Variants in GLI3 observed in about 807,000 individuals in gnomAD.
GLI3 encodes transcription activator GLI3.
Under a neutral mutation model 100.8 loss-of-function variants are expected in GLI3, and 20 were observed. The ratio of observed to expected loss-of-function variants is 0.20; its 90% confidence interval spans 0.14 to 0.29. The LOEUF (loss-of-function observed/expected upper bound fraction) is 0.29, where lower values mean the gene tolerates loss of function less well. GLI3 is among the 10% of genes least tolerant of loss of function. The pLI, the probability that GLI3 is intolerant of heterozygous loss-of-function variation, is 1.00. For synonymous variants in GLI3, 938 were observed against 860.5 expected, an observed-to-expected ratio of 1.09 and a Z score of -1.58; for missense variants, 2,040 against 2,128.5, an observed-to-expected ratio of 0.96 and a Z score of 0.82.
chr7:42,124,476 T>C (rs57699297), intron 3 of GLI3, among the ~76,000 whole-genome samples: 4,746 of 152,210 alleles, frequency 0.031, 257 homozygotes, highest in African/African-American at 0.11. Flanking sequence ...ATGCAGTCAG[T>C]TGGATGTGAA....
intron 1 of GLI3, among the ~76,000 whole-genome samples, chr7:42,235,578 C>G (rs561677821): frequency 6.6e-6 from 1 of 152,312 alleles, no homozygotes; most frequent in African/African-American, 2.4e-5. Flanking sequence ...AGGGAAAGGC[C>G]TAATTACTCG....
intron 1 of GLI3, among the ~76,000 whole-genome samples, chr7:42,255,355 T>C (rs1789075068): frequency 6.6e-6 from 1 of 152,228 alleles, no homozygotes; most frequent in South Asian, 2.1e-4. Flanking sequence ...ATGAAATTTA[T>C]CCATTGTAGG....
chr7:42,047,417 T>C (rs956209618), intron 5 of GLI3, among the ~76,000 whole-genome samples: 4 of 152,212 alleles, frequency 2.6e-5, no homozygotes, highest in African/African-American at 9.6e-5. Flanking sequence ...CATCAAGCAC[T>C]GCTCAGTGAA....
intron 2 of GLI3, among the ~76,000 whole-genome samples, chr7:42,195,018 C>T (rs1361020888): frequency 1.3e-5 from 2 of 152,080 alleles, no homozygotes; most frequent in African/African-American, 4.8e-5. Flanking sequence ...CTGCCCACCT[C>T]GGCCTCCCAA....
At chr7:42,259,374 T>C (rs1337745379) in intron 1 of GLI3, among the ~76,000 whole-genome samples, 2 of 152,210 alleles carry the variant, frequency 1.3e-5, no homozygotes, top group Middle Eastern at 6.3e-3. Flanking sequence ...AGAACTCTGT[T>C]TTAAGTGGCA....
At chr7:42,063,032 A>G (rs1436253621) in intron 4 of GLI3, among the ~76,000 whole-genome samples, 3 of 152,172 alleles carry the variant, frequency 2.0e-5, no homozygotes, top group African/African-American at 7.2e-5. Flanking sequence ...AGCCTGTGCT[A>G]TGCATCTGCA....
At chr7:42,199,953 G>A (rs1418562239) in intron 2 of GLI3, among the ~76,000 whole-genome samples, 1 of 152,188 alleles carries the variant, frequency 6.6e-6, no homozygotes, top group Non-Finnish European at 1.5e-5. Flanking sequence ...CTACTAGGGA[G>A]GCTGAGGCAG....
intron 2 of GLI3, among the ~76,000 whole-genome samples, chr7:42,167,079 G>T (rs1382619396): frequency 6.6e-6 from 1 of 151,996 alleles, no homozygotes; most frequent in Non-Finnish European, 1.5e-5. Flanking sequence ...CGCCCACTTC[G>T]GCCTCCTAAA....
chr7:42,051,823 C>T (rs1784359125), intron 4 of GLI3, among the ~76,000 whole-genome samples: 1 of 152,012 alleles, frequency 6.6e-6, no homozygotes, highest in Non-Finnish European at 1.5e-5. Context: ...GCATTTGTTA[C>T]GAGTGATGAG....
intron 3 of GLI3, among the ~76,000 whole-genome samples, chr7:42,144,176 G>C (rs1026556839): frequency 2.6e-5 from 4 of 152,230 alleles, no homozygotes; most frequent in Admixed American, 2.0e-4. Context: ...AATGAAAGCA[G>C]GGAGAGATGG....
chr7:41,996,652 A>G (rs1788133317), intron 10 of GLI3, among the ~76,000 whole-genome samples: 1 of 152,190 alleles, frequency 6.6e-6, no homozygotes, highest in African/African-American at 2.4e-5. Flanking sequence ...CTAAACGTAA[A>G]AACAGTTCAT....
intron 10 of GLI3, among the ~76,000 whole-genome samples, chr7:42,022,662 C>G (rs1395340330): frequency 6.6e-6 from 1 of 152,200 alleles, no homozygotes; most frequent in Non-Finnish European, 1.5e-5. Context: ...TCTAAATGCC[C>G]TCCACGTCAG....
At chr7:42,238,463 G>T (rs370379863), upstream of GLI3, among the ~76,000 whole-genome samples, 2 of 152,102 alleles carry the variant, frequency 1.3e-5, no homozygotes, top group African/African-American at 2.4e-5. Flanking sequence ...TCTCTCCACC[G>T]GACTCGTCTG....
At chr7:42,125,338 A>G (rs1318606494) in intron 3 of GLI3, among the ~76,000 whole-genome samples, 1 of 152,162 alleles carries the variant, frequency 6.6e-6, no homozygotes, top group Admixed American at 6.5e-5. Context: ...CTGTAATGAG[A>G]CCTTAAAAGG....
intron 10 of GLI3, among the ~76,000 whole-genome samples, chr7:41,988,852 T>C (rs1787901257): frequency 6.6e-6 from 1 of 152,230 alleles, no homozygotes; most frequent in Admixed American, 6.5e-5. Context: ...AAAACGAAAA[T>C]GTAACTGTTG....
rs1787401128 is a variant in GLI3, at chr7:41,972,811, G to C, written c.1813-184C>G. On this transcript the variant is annotated intron_variant, in intron 12 of 14. Transcript: ENST00000395925. This position sits in a 1 kb window ranked among gnomAD's most constrained non-coding sequence, Gnocchi z 4.4. ...TAAGGCCATTAGAACACTGTTCCGTGTCCATAGAATTTAGCTTTAATAGAT... is the reference window on the plus strand; with the variant it reads ...TAAGGCCATTAGAACACTGTTCCGTCTCCATAGAATTTAGCTTTAATAGAT... Among the ~76,000 whole-genome samples the C allele has an allele frequency of 6.6e-6, 1 of 152,196 alleles. No individual in the cohort carries two copies. The highest frequency in any genetic ancestry group is 2.1e-4 in the South Asian group (1 of 4,834).
intron 3 of GLI3, among the ~76,000 whole-genome samples, chr7:42,147,821 T>C (rs1037461604): frequency 6.6e-6 from 1 of 152,140 alleles, no homozygotes; most frequent in South Asian, 2.1e-4. Flanking sequence ...TCATTAAAAA[T>C]GGGAATTGCG....
chr7:42,135,876 C>T (rs562574164), intron 3 of GLI3, among the ~76,000 whole-genome samples: 1 of 152,264 alleles, frequency 6.6e-6, no homozygotes, highest in East Asian at 1.9e-4. Context: ...CTGTCTCTCT[C>T]TCTCACTTTT....
intron 10 of GLI3, among the ~76,000 whole-genome samples, chr7:42,007,421 T>C (rs185878822): frequency 1.3e-5 from 2 of 152,188 alleles, no homozygotes; most frequent in African/African-American, 2.4e-5. Context: ...AACTCAATGA[T>C]CACACCAAGT....
Sources: allele counts gnomAD v4.1 joint callset (sites outside exome capture counted in the v4.1 genomes callset), GRCh38; gene constraint gnomAD v4.1.1; non-coding constraint Gnocchi (gnomAD v3.1); transcripts MANE v1.5; gene names NCBI Gene and HGNC (gene_info 2026-07-23, HGNC 2026-07-21).